Variants in RPS6KA5 observed in about 807,000 individuals in gnomAD.
RPS6KA5 encodes the protein ribosomal protein S6 kinase A5.
In RPS6KA5, 27 loss-of-function variants were observed where a neutral mutation model predicts 85.5. The observed-to-expected ratio is 0.32, with a 90% CI of 0.23 to 0.44. The LOEUF is 0.44. Ranked by LOEUF, RPS6KA5 falls within the 20% of genes least tolerant of loss-of-function variation. RPS6KA5 has a pLI of 1.00. For synonymous variants in RPS6KA5, 334 were observed against 348.2 expected, an observed-to-expected ratio of 0.96 and a Z score of 0.46; for missense variants, 811 against 980.9, an observed-to-expected ratio of 0.83 and a Z score of 2.31.
rs1288942929 is a variant in RPS6KA5 at position 90,923,109 on chromosome 14, A to G, written c.702+4T>C. ...CATAAAGAAGCATCAAAAATAGAAC[A>G]TACCTTGTCATGTCCTGAATCTCCC... is the stretch of plus-strand genomic sequence containing the variant. On this transcript the variant is annotated splice_donor_region_variant and intron_variant, in intron 6 of 16. Transcript: ENST00000614987. 3 of 1,598,496 alleles carry G rather than the reference A, an allele frequency of 1.9e-6. No individual in the cohort carries two copies. Among genetic ancestry groups the G allele is most frequent in the Non-Finnish European group, 2.6e-6 (3 of 1,166,898 alleles).
chr14:91,029,570 T>C (rs1243629993), intron 1 of RPS6KA5, among the ~76,000 whole-genome samples: 2 of 152,298 alleles, frequency 1.3e-5, no homozygotes, highest in African/African-American at 4.8e-5. Context: ...TTACTAGCTA[T>C]AATGTATACA....
chr14:91,046,091 C>G (rs1488323472), intron 1 of RPS6KA5, among the ~76,000 whole-genome samples: 1 of 152,164 alleles, frequency 6.6e-6, no homozygotes, highest in Non-Finnish European at 1.5e-5. Context: ...TCTCACAGAA[C>G]TGTGTATTTC....
chr14:90,872,312 T>C lies in RPS6KA5; in HGVS notation c.2171A>G (p.Lys724Arg), dbSNP rs772100058. 1.1e-5 allele frequency: 18 copies of C among 1,610,552 alleles called. No individual in the cohort carries two copies. The Middle Eastern group carries it at 8.3e-4, about 74-fold the overall frequency. Residue 724 changes from lysine to arginine, a missense_variant, in exon 17 of 17, where the codon AAA becomes AGA. Physicochemically the swap from Lys to Arg is conservative, Grantham distance 26 (BLOSUM62 2). This residue lies in a region of RPS6KA5 where 650 missense variants were observed against 793.4 expected (regional missense o/e 0.82). Coordinates refer to ENST00000614987, the MANE Select transcript of RPS6KA5 (RefSeq NM_004755.4). ...CVKATFHAFN[K>R]YKREGFCLQN... Reference sequence around the variant, plus strand: ...AAGGCAAAACCCCTCTCTCTTGTATTTGTTAAAGGCCTGGCGGGGGAAAAA... The same window carrying C: ...AAGGCAAAACCCCTCTCTCTTGTATCTGTTAAAGGCCTGGCGGGGGAAAAA...
At position 91,025,061 on chromosome 14, in the gene RPS6KA5, G is replaced by T. The variant is rs188644401; in HGVS notation, c.104-23902C>A. On this transcript the variant is annotated intron_variant, in intron 1 of 16. Coordinates refer to ENST00000614987, the MANE Select transcript of RPS6KA5 (RefSeq NM_004755.4). ...ATGCCAGTCTAACTTTTTTTTTTAGGGGGGATGGAGTCTCATTCAGTCGCC... is the reference window on the plus strand; with the variant it reads ...ATGCCAGTCTAACTTTTTTTTTTAGTGGGGATGGAGTCTCATTCAGTCGCC... Among the ~76,000 whole-genome samples, 195 of 149,842 alleles carry T rather than the reference G, an allele frequency of 1.3e-3. 4 individuals are homozygous for T. The highest frequency in any genetic ancestry group is 0.011 in the Admixed American group (164 of 15,040).
intron 3 of RPS6KA5, among the ~76,000 whole-genome samples, chr14:90,959,746 T>C (rs2038701711): frequency 2.0e-5 from 3 of 152,204 alleles, no homozygotes; most frequent in Non-Finnish European, 4.4e-5. Context: ...TCCTTGAAAT[T>C]ATGTAAACTG....
At chr14:90,949,813 C>G (rs992919291) in intron 3 of RPS6KA5, among the ~76,000 whole-genome samples, 1 of 152,124 alleles carries the variant, frequency 6.6e-6, no homozygotes, top group Non-Finnish European at 1.5e-5. Context: ...CTTTATTTTC[C>G]ATTTACTGGG....
chr14:91,039,456 A>G (rs2042522385), intron 1 of RPS6KA5, among the ~76,000 whole-genome samples: 1 of 152,212 alleles, frequency 6.6e-6, no homozygotes, highest in South Asian at 2.1e-4. Flanking sequence ...TCTTTTGAGG[A>G]ACATATGGAA....
chr14:91,044,010 T>G (rs1250881184), intron 1 of RPS6KA5, among the ~76,000 whole-genome samples: 1 of 151,840 alleles, frequency 6.6e-6, no homozygotes, highest in East Asian at 2.0e-4. Context: ...GTGGATCACC[T>G]GAGGTCAGGA....
chr14:90,899,038 T>C (rs1049620696), intron 12 of RPS6KA5, among the ~76,000 whole-genome samples: 7 of 152,186 alleles, frequency 4.6e-5, no homozygotes, highest in Admixed American at 2.6e-4. Flanking sequence ...ACAAGCACAT[T>C]GTAGCCAGTG....
Position 90,851,624 on chromosome 14 carries a change from CAG to C in RPS6KA5, c.*20448_*20449del, listed in dbSNP as rs1213784461. 2 of 152,016 alleles carry C rather than the reference CAG, an allele frequency of 1.3e-5. No individual in the cohort carries two copies. Among genetic ancestry groups the C allele is most frequent in the African/African-American group, 4.8e-5 (2 of 41,416 alleles). The allele number at this position is 152,016 out of a possible 1,614,324, so 9.4% of individuals were successfully genotyped here. A position where few individuals can be genotyped will look rare whatever the true frequency, so the allele number is the denominator to read the frequency against. On this transcript the variant is annotated 3_prime_UTR_variant, in exon 17 of 17. Coordinates refer to ENST00000614987, the MANE Select transcript of RPS6KA5 (RefSeq NM_004755.4). ...TTTCCACAAAATCCTCAGTAATACTCAGAGAGAGTGTCATATCTAGTACATTT... is the reference window on the plus strand; with the variant it reads ...TTTCCACAAAATCCTCAGTAATACTCAGAGAGTGTCATATCTAGTACATTT...
At chr14:91,036,355 C>T (rs1000074301) in intron 1 of RPS6KA5, among the ~76,000 whole-genome samples, 1 of 152,194 alleles carries the variant, frequency 6.6e-6, no homozygotes, top group Non-Finnish European at 1.5e-5. Flanking sequence ...CAGTTTAGAA[C>T]TAAACTCTAC....
At chr14:91,059,750 G>A (rs2043546348) in intron 1 of RPS6KA5, among the ~76,000 whole-genome samples, 1 of 152,338 alleles carries the variant, frequency 6.6e-6, no homozygotes, top group African/African-American at 2.4e-5. Flanking sequence ...TGATAAGTGA[G>A]AATAAAGGCA....
chr14:91,000,982 C>T, intron 2 of RPS6KA5, 106 bp downstream of exon 2: 1 of 621,792 alleles, frequency 1.6e-6, no homozygotes, highest in East Asian at 3.0e-5. Context: ...TAATGGATTC[C>T]TCATGCTTTT....
chr14:90,947,445 TGTTCGAGGGCAAG>T lies in RPS6KA5; in HGVS notation c.487_499del (p.Leu163IlefsTer27). The T allele has an allele frequency of 6.3e-7, 1 of 1,593,110 alleles. No individual in the cohort carries two copies. The highest frequency in any genetic ancestry group is 8.6e-7 in the Non-Finnish European group (1 of 1,161,102). ...AATGAAGAGTCTTACCTTGTGGAGA[TGTTCGAGGGCAAG>T]CACAATCTCTCCAACATAAATCTGC... On this transcript the variant is annotated frameshift_variant, in exon 4 of 17. Transcript: ENST00000614987. LOFTEE classifies it high-confidence loss of function.
chr14:90,943,361 G>A (rs1009932558), intron 4 of RPS6KA5, among the ~76,000 whole-genome samples, 176 bp from the exon 5 acceptor site: 2 of 151,536 alleles, frequency 1.3e-5, no homozygotes, highest in Admixed American at 6.6e-5. Flanking sequence ...TATCTGCTGC[G>A]TTCTCTGGAC....
At chr14:91,017,129 T>A (rs546219268) in intron 1 of RPS6KA5, among the ~76,000 whole-genome samples, 1 of 152,216 alleles carries the variant, frequency 6.6e-6, no homozygotes, top group South Asian at 2.1e-4. Flanking sequence ...CTGATCTGGC[T>A]ACAGCTGATG....
chr14:90,875,284 A>C lies in RPS6KA5; in HGVS notation c.1913T>G (p.Met638Arg). 1 of 1,614,006 alleles carries C rather than the reference A, an allele frequency of 6.2e-7. No individual in the cohort carries two copies. The highest frequency in any genetic ancestry group is 8.5e-7 in the Non-Finnish European group (1 of 1,179,904). ...SLTCTSAVEI[M>R]KKIKKGDFSF... ...GAAATCTCCCTTTTTAATTTTCTTC[A>C]TGATTTCCACCGCGCTGGTACACGT... The change falls in exon 15 of 17, where the codon ATG becomes AGG. Residue 638 changes from methionine to arginine, a missense_variant. Physicochemically the swap from Met to Arg is moderately conservative, Grantham distance 91 (BLOSUM62 -1). Around this residue, in one of 3 missense-constraint regions of RPS6KA5, gnomAD observed 650 missense variants for 793.4 expected, o/e 0.82. Coordinates refer to ENST00000614987, the MANE Select transcript of RPS6KA5 (RefSeq NM_004755.4).
chr14:91,001,231 G>A (rs528513345), intron 1 of RPS6KA5, 72 bp from the exon 2 acceptor site: 5 of 888,530 alleles, frequency 5.6e-6, no homozygotes, highest in African/African-American at 5.1e-5. Context: ...GGATTCTTGT[G>A]TACCAGCGAC....
chr14:91,059,074 T>TC (rs1324563912), intron 1 of RPS6KA5, among the ~76,000 whole-genome samples: 3 of 152,140 alleles, frequency 2.0e-5, no homozygotes, highest in Non-Finnish European at 4.4e-5. Flanking sequence ...ACGCCTGTAA[T>TC]CCCAGCACTT....
Sources: allele counts gnomAD v4.1 joint callset (sites outside exome capture counted in the v4.1 genomes callset), GRCh38; gene constraint gnomAD v4.1.1; regional missense constraint gnomAD v4.1.1; transcripts MANE v1.5; gene names NCBI Gene and HGNC (gene_info 2026-07-23, HGNC 2026-07-21).